PPP2R5A: variants seen among roughly 807,000 people sequenced by gnomAD.
PPP2R5A encodes the protein serine/threonine-protein phosphatase 2A 56 kDa regulatory subunit alpha isoform.
In PPP2R5A, 25 loss-of-function variants were observed where a neutral mutation model predicts 64.2. The ratio of observed to expected loss-of-function variants is 0.39; its 90% CI spans 0.28 to 0.54. The LOEUF is 0.54. Ranked by LOEUF, PPP2R5A falls within the 20% of genes least tolerant of loss-of-function variation. PPP2R5A has a pLI of 0.67. For synonymous variants in PPP2R5A, 198 were observed against 201.2 expected (o/e 0.98, Z 0.13); for missense variants, 425 against 576.3 (o/e 0.74, Z 2.69).
intron 1 of PPP2R5A, among the ~76,000 whole-genome samples, chr1:212,316,149 A>AC (rs1659147763): frequency 6.6e-6 from 1 of 152,192 alleles, no homozygotes; most frequent in South Asian, 2.1e-4. Flanking sequence ...GAAGAGTCTC[A>AC]CACCTCACTT....
At chr1:212,324,895 G>A (rs1204228234) in intron 1 of PPP2R5A, among the ~76,000 whole-genome samples, 1 of 152,048 alleles carries the variant, frequency 6.6e-6, no homozygotes, top group African/African-American at 2.4e-5. Context: ...ATGAGCCACC[G>A]CACCTGGCAT....
At chr1:212,339,112 G>A (rs1405403291) in intron 3 of PPP2R5A, among the ~76,000 whole-genome samples, 1 of 152,180 alleles carries the variant, frequency 6.6e-6, no homozygotes, top group Non-Finnish European at 1.5e-5. Flanking sequence ...CCATTTTGAA[G>A]ATTTCCAGCT....
intron 8 of PPP2R5A, among the ~76,000 whole-genome samples, chr1:212,352,172 C>T (rs1158780063): frequency 6.6e-6 from 1 of 151,332 alleles, no homozygotes; most frequent in African/African-American, 2.4e-5. Context: ...AACAGGCGCC[C>T]GATACCACGC....
chr1:212,319,378 G>GA (rs1171717734), intron 1 of PPP2R5A: 17 of 152,298 alleles, frequency 1.1e-4, no homozygotes, highest in African/African-American at 4.1e-4. Context: ...CTCTTGCAGG[G>GA]AGAATGCCAG....
intron 1 of PPP2R5A, among the ~76,000 whole-genome samples, chr1:212,312,754 A>G (rs1659062510): frequency 3.3e-5 from 5 of 152,090 alleles, no homozygotes; most frequent in Admixed American, 3.3e-4. Context: ...CTAATTTAAA[A>G]CCCCAACAGG....
At chr1:212,337,011 T>C (rs959154384) in intron 3 of PPP2R5A, among the ~76,000 whole-genome samples, 1 of 152,198 alleles carries the variant, frequency 6.6e-6, no homozygotes, top group Admixed American at 6.5e-5. Flanking sequence ...AATAAAAGTT[T>C]ATCTGTTTTT....
chr1:212,325,823 C>T (rs1372777358), intron 1 of PPP2R5A, among the ~76,000 whole-genome samples: 2 of 152,060 alleles, frequency 1.3e-5, no homozygotes, highest in Non-Finnish European at 2.9e-5. Flanking sequence ...ACATGTATCT[C>T]GTTTAGTGTG....
At chr1:212,319,103 A>C (rs1659211807) in intron 1 of PPP2R5A, among the ~76,000 whole-genome samples, 1 of 152,216 alleles carries the variant, frequency 6.6e-6, no homozygotes, top group African/African-American at 2.4e-5. Flanking sequence ...AAACAGATAT[A>C]TGTCATCAGT....
chr1:212,322,780 T>C (rs1230272896), intron 1 of PPP2R5A, among the ~76,000 whole-genome samples: 1 of 150,982 alleles, frequency 6.6e-6, no homozygotes, highest in African/African-American at 2.4e-5. Flanking sequence ...TATTTATTTA[T>C]TTATTTATTT....
intron 12 of PPP2R5A, 66 bp downstream of exon 12, chr1:212,358,853 AG>A (rs1660030711): frequency 8.5e-6 from 11 of 1,296,320 alleles, no homozygotes; most frequent in Non-Finnish European, 1.2e-5. Flanking sequence ...GATTCAGTTC[AG>A]GAAGGTATCT....
intron 11 of PPP2R5A, chr1:212,357,839 C>G (rs1660009498): frequency 6.6e-6 from 1 of 151,192 alleles, no homozygotes; most frequent in African/African-American, 2.4e-5. Context: ...CTCTGTTGCC[C>G]AGACTGGAGT....
At position 212,357,161 on chromosome 1, in the gene PPP2R5A, C is replaced by G; in HGVS notation, c.1103C>G (p.Ala368Gly). ...TCTCTAAATGTCTTTTTTTAGGTTG[C>G]AGAAAGGGCATTGTACTTCTGGAAT... Reference protein sequence around the residue: ...KCVSSSHFQVAERALYFWNNE... With the variant: ...KCVSSSHFQVGERALYFWNNE... Residue 368 changes from alanine to glycine, a missense_variant, in exon 11 of 13, where the codon GCA (alanine) becomes GGA (glycine). This residue lies in a region of PPP2R5A where 177 missense variants were observed against 244.8 expected (regional missense o/e 0.72). Transcript: ENST00000261461. 6.3e-7 allele frequency: 1 copy of G among 1,580,138 alleles called. No homozygotes were observed. The highest frequency in any genetic ancestry group is 8.6e-7 in the Non-Finnish European group (1 of 1,166,150).
Position 212,286,369 on chromosome 1 carries a change from C to T in PPP2R5A, c.181+78C>T, listed in dbSNP as rs1353196133. 4.4e-6 allele frequency: 6 copies of T among 1,375,276 alleles called. No homozygotes were observed. In the East Asian group the frequency reaches 1.8e-4, roughly 41 times the overall value. The allele number at this position is 1,375,276 out of a possible 1,614,324, so 85.2% of individuals were successfully genotyped here. The stretch of plus-strand genomic sequence containing the variant: ...GCCTCTGCGCCAGCAGAGCCATTTC[C>T]TGCTGGGTTTCTCCTGCTCAGTTGG... On this transcript the variant is annotated intron_variant, in intron 1 of 12. Coordinates refer to ENST00000261461, the MANE Select transcript of PPP2R5A (RefSeq NM_006243.4).
At chr1:212,348,603 C>A in intron 7 of PPP2R5A, 106 bp downstream of exon 7, 1 of 856,040 alleles carries the variant, frequency 1.2e-6, no homozygotes, top group Non-Finnish European at 1.7e-6. Context: ...TATAATTAAG[C>A]AATTTGCTTA....
chr1:212,334,186 T>C (rs1277341622), intron 3 of PPP2R5A, among the ~76,000 whole-genome samples: 1 of 152,270 alleles, frequency 6.6e-6, no homozygotes, highest in African/African-American at 2.4e-5. Context: ...GATGGACATT[T>C]AAATTATTTC....
At chr1:212,359,891 T>C (rs1660049655) in intron 12 of PPP2R5A, among the ~76,000 whole-genome samples, 1 of 152,136 alleles carries the variant, frequency 6.6e-6, no homozygotes, top group Non-Finnish European at 1.5e-5. Flanking sequence ...AAAATATGTA[T>C]TTCACATGAC....
chr1:212,338,735 C>T (rs112359473), intron 3 of PPP2R5A, among the ~76,000 whole-genome samples: 120 of 151,484 alleles, frequency 7.9e-4, no homozygotes, highest in African/African-American at 2.8e-3. Context: ...TGCAGTGAGC[C>T]GACATTGCGC....
chr1:212,359,731 G>A (rs538097531), intron 12 of PPP2R5A, among the ~76,000 whole-genome samples: 2 of 152,240 alleles, frequency 1.3e-5, no homozygotes, highest in East Asian at 3.9e-4. Flanking sequence ...TTTCTTCAAA[G>A]CCATCCAGCC....
chr1:212,350,039 A>G (rs142828498), intron 8 of PPP2R5A, among the ~76,000 whole-genome samples: 5 of 152,352 alleles, frequency 3.3e-5, no homozygotes, highest in African/African-American at 1.2e-4. Flanking sequence ...GGCAAAAACC[A>G]CAATCACTTT....
Sources: allele counts gnomAD v4.1 joint callset (sites outside exome capture counted in the v4.1 genomes callset), GRCh38; gene constraint gnomAD v4.1.1; regional missense constraint gnomAD v4.1.1; transcripts MANE v1.5; gene names NCBI Gene and HGNC (gene_info 2026-07-23, HGNC 2026-07-21).